The following FAM53A variants were observed in gnomAD, a reference collection of about 807,000 sequenced individuals.
The protein encoded by FAM53A is protein FAM53A.
In FAM53A, 28 loss-of-function variants were observed where a neutral mutation model predicts 26.6. The ratio of observed to expected loss-of-function variants is 1.05; its 90% CI spans 0.78 to 1.45. The LOEUF is 1.45. Ranked by LOEUF, FAM53A falls within the 40% of genes most tolerant of loss-of-function variation. The pLI is 0.00. For missense variants in FAM53A, 650 were observed against 575.8 expected, an observed-to-expected ratio of 1.13 and a Z score of -1.32; for synonymous variants, 290 against 253.1, an observed-to-expected ratio of 1.15 and a Z score of -1.38.
chr4:1,641,385 CG>C lies in FAM53A; in HGVS notation c.1104del (p.Ser368ArgfsTer56). ...ACACTGTCCCCATCACGGGGGTCCC[CG>C]CTGCTCCTGCGGGAGCCATCACTGG... ...SVTSDGSRRS[S>X]GDPRDGDSVG... is the part of the protein sequence containing the mutation. On this transcript the variant is annotated frameshift_variant, in exon 5 of 5. Transcript: ENST00000308132. LOFTEE classifies it high-confidence loss of function. 6.2e-7 allele frequency: 1 copy of C among 1,611,200 alleles called. No individual in the cohort carries two copies. Among genetic ancestry groups the C allele is most frequent in the Non-Finnish European group, 8.5e-7 (1 of 1,179,148 alleles).
At chr4:1,605,438 C>T in the FAM53A span, among the ~76,000 whole-genome samples, 1 of 152,196 alleles carries the variant, frequency 6.6e-6, no homozygotes, top group South Asian at 2.1e-4. This position sits in a 1 kb window ranked among gnomAD's most constrained non-coding sequence, Gnocchi z 5.7. Flanking sequence ...AAGGACCCTG[C>T]ACCCAGCTTC....
chr4:1,649,164 G>C (rs142868483), intron 4 of FAM53A, among the ~76,000 whole-genome samples: 1 of 78,356 alleles, frequency 1.3e-5, no homozygotes, highest in African/African-American at 5.9e-5. Flanking sequence ...GGAAAGGGAA[G>C]GGGAAAGGGA....
At chr4:1,627,659 G>A (rs1715368138) in intron 1 of FAM53A, among the ~76,000 whole-genome samples, 1 of 152,226 alleles carries the variant, frequency 6.6e-6, no homozygotes, top group Non-Finnish European at 1.5e-5. Flanking sequence ...CTGGGGCCAA[G>A]TGGCCAAGAG....
the FAM53A span, among the ~76,000 whole-genome samples, chr4:1,610,771 G>A: frequency 6.6e-6 from 1 of 152,088 alleles, no homozygotes; most frequent in African/African-American, 2.4e-5. Flanking sequence ...CCACTGCACA[G>A]CCCCATGACA....
chr4:1,665,627 A>C (rs1170115578), intron 2 of FAM53A, among the ~76,000 whole-genome samples: 1 of 152,190 alleles, frequency 6.6e-6, no homozygotes, highest in Non-Finnish European at 1.5e-5. Flanking sequence ...CTTCGACAGC[A>C]ACAGACTCAA....
intron 4 of FAM53A, among the ~76,000 whole-genome samples, chr4:1,650,153 CGTG>C (rs1560153084): frequency 8.2e-6 from 1 of 121,336 alleles, no homozygotes; most frequent in East Asian, 2.6e-4. Context: ...GTGGCACAGG[CGTG>C]GTGTTTGTGA....
At position 1,650,802 on chromosome 4, in the gene FAM53A, G is replaced by GT. The variant is rs112116374; in HGVS notation, c.882+4175dup. Among the ~76,000 whole-genome samples the GT allele has an allele frequency of 3.2e-4, 47 of 146,686 alleles. 1 individual carries two copies. The highest frequency in any genetic ancestry group is 4.8e-4 in the Admixed American group (7 of 14,654). ...TGAGCCAGTACACCCGGCGGGTTTT[G>GT]TTTTTTTTTTAACACAGGTGTGAAG... On this transcript the variant is annotated intron_variant, in intron 4 of 4. Transcript: ENST00000308132.
At position 1,655,538 on chromosome 4, in the gene FAM53A, T is replaced by C; in HGVS notation, c.322A>G (p.Ser108Gly). 3 of 1,566,632 alleles carry C rather than the reference T, an allele frequency of 1.9e-6. No individual in the cohort carries two copies. Among genetic ancestry groups the C allele is most frequent in the Non-Finnish European group, 2.6e-6 (3 of 1,155,892 alleles). Residue 108 changes from serine (S) to glycine (G), a missense_variant, in exon 4 of 5, where the codon AGC (serine) becomes GGC (glycine). Transcript: ENST00000308132. ...GGTGGGGCCGTGGACGAGCCTGTGCTTTCACTGGGGTCCACGGTGCTGGCT... is the reference window on the plus strand; with the variant it reads ...GGTGGGGCCGTGGACGAGCCTGTGCCTTCACTGGGGTCCACGGTGCTGGCT... ...GAASTVDPSESTGSSTAPPTK... is the reference protein window; with the variant it reads ...GAASTVDPSEGTGSSTAPPTK...
intron 3 of FAM53A, among the ~76,000 whole-genome samples, chr4:1,656,972 C>T (rs1317585140): frequency 6.6e-6 from 1 of 152,194 alleles, no homozygotes; most frequent in African/African-American, 2.4e-5. Context: ...AAGGGCCCAC[C>T]TGCGGGTGAA....
intron 1 of FAM53A, among the ~76,000 whole-genome samples, chr4:1,625,713 T>C (rs68005815): frequency 0.039 from 3,386 of 85,822 alleles, 63 homozygotes; most frequent in Middle Eastern, 0.11. Flanking sequence ...TACCAGCCCA[T>C]GTGGTCAGGG....
At chr4:1,635,555 C>T (rs112055951), downstream of FAM53A, among the ~76,000 whole-genome samples, 2,102 of 152,240 alleles carry the variant, frequency 0.014, 44 homozygotes, top group African/African-American at 0.048. Flanking sequence ...GGACTGCAGG[C>T]GCCAGCCACT....
At chr4:1,600,350 G>C in the FAM53A span, among the ~76,000 whole-genome samples, 1 of 152,080 alleles carries the variant, frequency 6.6e-6, no homozygotes, top group South Asian at 2.1e-4. Context: ...AGGTGGACAC[G>C]GCAGTTCCCC....
At chr4:1,581,849 C>G in the FAM53A span, among the ~76,000 whole-genome samples, 1 of 152,044 alleles carries the variant, frequency 6.6e-6, no homozygotes, top group Non-Finnish European at 1.5e-5. Flanking sequence ...CCCTCCTCAT[C>G]CTCCCAAAGT....
rs1051245682 is a variant in FAM53A at position 1,655,701 on chromosome 4, G to A, written c.159C>T (p.Phe53=). The stretch of plus-strand genomic sequence containing the variant: ...GGCTTCTGACGGGCGGTCCTCCACT[G>A]AAGACCTTCCAGGGACTCTGGTCTA... The part of the protein sequence containing the change: ...ELNDQSPWKV[F]SGGPPVRSQA... The change falls in exon 4 of 5, where the codon TTC becomes TTT. Residue 53 remains phenylalanine, a synonymous_variant. Transcript: ENST00000308132. 2 of 1,587,598 alleles carry A rather than the reference G, an allele frequency of 1.3e-6. No individual in the cohort carries two copies. The highest frequency in any genetic ancestry group is 1.4e-5 in the African/African-American group (1 of 74,030).
chr4:1,622,908 G>A (rs919479709), intron 1 of FAM53A, among the ~76,000 whole-genome samples: 1 of 152,238 alleles, frequency 6.6e-6, no homozygotes, highest in Non-Finnish European at 1.5e-5. Context: ...GAGGCCACAC[G>A]CACACGGCCA....
At chr4:1,610,777 TGACAGGGCAGGGCAGCCA>T in the FAM53A span, among the ~76,000 whole-genome samples, 2 of 151,980 alleles carry the variant, frequency 1.3e-5, no homozygotes, top group African/African-American at 4.8e-5. Flanking sequence ...CACAGCCCCA[TGACAGGGCAGGGCAGCCA>T]GACGCCCCCA....
chr4:1,654,703 C>T (rs1043331255), intron 4 of FAM53A, among the ~76,000 whole-genome samples: 1 of 152,242 alleles, frequency 6.6e-6, no homozygotes, highest in African/African-American at 2.4e-5. Flanking sequence ...GCTGCCTCCC[C>T]CAGGCCTCAC....
intron 1 of FAM53A, among the ~76,000 whole-genome samples, chr4:1,674,037 G>A (rs550570649): frequency 1.3e-5 from 2 of 152,238 alleles, no homozygotes; most frequent in East Asian, 1.9e-4. Flanking sequence ...CAGCAGGGCC[G>A]TTATAACAAT....
the FAM53A span, among the ~76,000 whole-genome samples, chr4:1,577,818 TC>T: frequency 6.6e-6 from 1 of 152,152 alleles, no homozygotes; most frequent in Non-Finnish European, 1.5e-5. Context: ...GACAGCCTTG[TC>T]CAATGTCGGG....
Sources: gnomAD v4.1 joint callset for allele counts (sites outside exome capture counted in the v4.1 genomes callset) on GRCh38, gnomAD v4.1.1 for gene constraint, Gnocchi (gnomAD v3.1) non-coding constraint, MANE v1.5 for transcripts, NCBI Gene and HGNC (gene_info 2026-07-23, HGNC 2026-07-21) for gene names.